Variants in PPP1R16B observed in about 807,000 individuals in gnomAD.
PPP1R16B encodes the protein protein phosphatase 1 regulatory inhibitor subunit 16B.
A neutral mutation model predicts 61.7 loss-of-function variants in PPP1R16B; 14 were observed. The ratio of observed to expected loss-of-function variants is 0.23; its 90% CI spans 0.15 to 0.35. PPP1R16B has a LOEUF of 0.35. Ranked by LOEUF, PPP1R16B falls within the 10% of genes least tolerant of loss-of-function variation. The pLI is 1.00. For missense variants in PPP1R16B, 547 were observed against 752.5 expected (o/e 0.73, Z 3.19); for synonymous variants, 266 against 305.3 (o/e 0.87, Z 1.34).
intron 2 of PPP1R16B, among the ~76,000 whole-genome samples, chr20:38,841,837 G>A (rs993619803): frequency 6.6e-6 from 1 of 152,172 alleles, no homozygotes; most frequent in African/African-American, 2.4e-5. Context: ...TCACCAGTAG[G>A]TGAACGTTTG....
At chr20:38,863,381 A>G (rs2085067510) in intron 2 of PPP1R16B, among the ~76,000 whole-genome samples, 1 of 152,178 alleles carries the variant, frequency 6.6e-6, no homozygotes, top group Non-Finnish European at 1.5e-5. Flanking sequence ...AACTCCCTGC[A>G]TGGCTGAGCC....
intron 1 of PPP1R16B, among the ~76,000 whole-genome samples, chr20:38,821,525 G>A (rs2084773519): frequency 6.6e-6 from 1 of 152,176 alleles, no homozygotes; most frequent in South Asian, 2.1e-4. Context: ...AAGAAGAGCT[G>A]GTCTTTGTGA....
chr20:38,901,484 A>C (rs2085393830), intron 5 of PPP1R16B, among the ~76,000 whole-genome samples: 1 of 152,202 alleles, frequency 6.6e-6, no homozygotes, highest in South Asian at 2.1e-4. Flanking sequence ...ATCTCGGCTC[A>C]CTGCAACCTC....
Position 38,816,904 on chromosome 20 carries a change from T to C in PPP1R16B, c.-102+11112T>C, listed in dbSNP as rs555669015. ...CAGGGCCCACCCTCCTCCTCCCCCA[T>C]TAGCCAAGTCTGTTTTGCCCAGTTT... On this transcript the variant is annotated intron_variant, in intron 1 of 10. Transcript: ENST00000299824. Among the ~76,000 whole-genome samples, 43 of 152,304 alleles carry C rather than the reference T, an allele frequency of 2.8e-4. No individual in the cohort carries two copies. In the South Asian group the frequency reaches 3.5e-3, roughly 12 times the overall value.
intron 6 of PPP1R16B, among the ~76,000 whole-genome samples, chr20:38,904,003 A>C (rs1259884166): frequency 1.3e-5 from 2 of 152,138 alleles, no homozygotes; most frequent in Admixed American, 1.3e-4. Flanking sequence ...AGGGCTCAGC[A>C]GTACCAGATA....
intron 2 of PPP1R16B, among the ~76,000 whole-genome samples, chr20:38,884,208 C>T (rs1232141043): frequency 6.6e-6 from 1 of 152,216 alleles, no homozygotes; most frequent in African/African-American, 2.4e-5. Flanking sequence ...GGAGACAGGA[C>T]CCCTGGCGTG....
At chr20:38,820,781 C>T (rs539133796) in intron 1 of PPP1R16B, among the ~76,000 whole-genome samples, 1 of 151,904 alleles carries the variant, frequency 6.6e-6, no homozygotes, top group East Asian at 1.9e-4. Context: ...GCCTGTAATC[C>T]CAGCATTTTG....
rs1180095831 is a variant in PPP1R16B at position 38,921,358 on chromosome 20, G to A, written c.*2692G>A. On this transcript the variant is annotated 3_prime_UTR_variant, in exon 11 of 11. Transcript: ENST00000299824. ...GTAGCTGCAACATGCCAGCCTCTAC[G>A]TTAGGTTCTGCGGATAAAGGAGGAA... 6.6e-6 allele frequency: 1 copy of A among 152,230 alleles called. No homozygotes were observed. Among genetic ancestry groups the A allele is most frequent in the East Asian group, 1.9e-4 (1 of 5,202 alleles). The allele number at this position is 152,230 out of a possible 1,614,324, so 9.4% of individuals were successfully genotyped here.
rs1158511381 is a variant in PPP1R16B, at chr20:38,903,579, G to GTCCATCCA, written c.696+818_696+825dup. Among the ~76,000 whole-genome samples the GTCCATCCA allele has an allele frequency of 7.2e-5, 7 of 97,494 alleles. No homozygotes were observed. The South Asian group carries it at 1.7e-3, about 24-fold the overall frequency. 64.0% of individuals were successfully genotyped at this position (97,494 alleles called of 152,430 possible). On this transcript the variant is annotated intron_variant, in intron 6 of 10. Transcript: ENST00000299824. ...CATCCATCCATCCGTCCGTCCGTCC[G>GTCCATCCA]TCCATCCATCCATCCATCCATCCAT...
At chr20:38,878,816 T>C (rs2085185814) in intron 2 of PPP1R16B, among the ~76,000 whole-genome samples, 1 of 152,216 alleles carries the variant, frequency 6.6e-6, no homozygotes, top group Non-Finnish European at 1.5e-5. Context: ...GCTGGAAATA[T>C]TTTTATCTAT....
intron 1 of PPP1R16B, among the ~76,000 whole-genome samples, chr20:38,822,236 G>A (rs944891584): frequency 6.6e-6 from 1 of 151,232 alleles, no homozygotes; most frequent in African/African-American, 2.4e-5. Flanking sequence ...CAGAATTTGG[G>A]GCTACTGTTC....
At chr20:38,826,953 T>A (rs1215841006) in intron 1 of PPP1R16B, among the ~76,000 whole-genome samples, 1 of 152,194 alleles carries the variant, frequency 6.6e-6, no homozygotes, top group Non-Finnish European at 1.5e-5. Context: ...TTAAATGATT[T>A]ATTTTTATTT....
rs181485839 is a variant in PPP1R16B, at chr20:38,877,567, C to T, written c.251-12028C>T. On this transcript the variant is annotated intron_variant, in intron 2 of 10. Transcript: ENST00000299824. ...CGTCAGGTGATCCATCCGCCTCGGG[C>T]TCCCAAAGTGCTGGGATTACAGGTG... Among the ~76,000 whole-genome samples the T allele has an allele frequency of 9.2e-5, 14 of 152,266 alleles. No homozygotes were observed. The East Asian group carries it at 2.3e-3, about 25-fold the overall frequency.
chr20:38,920,519 C>T lies in PPP1R16B; in HGVS notation c.*1853C>T, dbSNP rs1273568468. On this transcript the variant is annotated 3_prime_UTR_variant, in exon 11 of 11. Coordinates refer to ENST00000299824, the MANE Select transcript of PPP1R16B (RefSeq NM_015568.4). ...ATCTGCTCTTTGTCATTCTTAGCCCCCTACTGTGGCCCCCATAGCCCCATA... is the reference window on the plus strand; with the variant it reads ...ATCTGCTCTTTGTCATTCTTAGCCCTCTACTGTGGCCCCCATAGCCCCATA... 6.5e-6 allele frequency: 1 copy of T among 152,718 alleles called. No individual in the cohort carries two copies. Among genetic ancestry groups the T allele is most frequent in the Non-Finnish European group, 1.5e-5 (1 of 68,412 alleles). The allele number at this position is 152,718 out of a possible 1,614,324, so 9.5% of individuals were successfully genotyped here.
chr20:38,852,478 C>G (rs1277741583), intron 2 of PPP1R16B, among the ~76,000 whole-genome samples: 5 of 152,198 alleles, frequency 3.3e-5, no homozygotes, highest in Admixed American at 1.3e-4. Context: ...CATGGTCGAT[C>G]ACCAAGGTGA....
intron 2 of PPP1R16B, among the ~76,000 whole-genome samples, chr20:38,861,477 C>T (rs911237324): frequency 1.3e-5 from 2 of 152,160 alleles, no homozygotes; most frequent in Admixed American, 1.3e-4. Context: ...GGGCTAGGCT[C>T]TGCCTCAGGG....
At chr20:38,908,379 T>G (rs1168812348) in intron 10 of PPP1R16B, among the ~76,000 whole-genome samples, 186 bp downstream of exon 10, 1 of 152,196 alleles carries the variant, frequency 6.6e-6, no homozygotes, top group Non-Finnish European at 1.5e-5. Flanking sequence ...AGTCTGATGG[T>G]GGTGGCTGCT....
chr20:38,834,278 T>C (rs1249944994), intron 1 of PPP1R16B, among the ~76,000 whole-genome samples: 1 of 152,222 alleles, frequency 6.6e-6, no homozygotes, highest in Non-Finnish European at 1.5e-5. Flanking sequence ...CCCAAAATGT[T>C]GAGATTGCAG....
rs1383985919 is a variant in PPP1R16B at position 38,862,093 on chromosome 20, C to A, written c.250+25918C>A. Among the ~76,000 whole-genome samples, 5 of 152,270 alleles carry A rather than the reference C, an allele frequency of 3.3e-5. No individual in the cohort carries two copies. The East Asian group carries it at 7.7e-4, about 23-fold the overall frequency. ...AGTCCAGCCCACAACTGTGTAGGGC[C>A]CCCCAGCCTTGTTGCCTCCCATGCC... is the stretch of plus-strand genomic sequence containing the variant. On this transcript the variant is annotated intron_variant, in intron 2 of 10. Transcript: ENST00000299824.
Sources: gnomAD v4.1 joint callset for allele counts (sites outside exome capture counted in the v4.1 genomes callset) on GRCh38, gnomAD v4.1.1 for gene constraint, MANE v1.5 for transcripts, NCBI Gene and HGNC (gene_info 2026-07-23, HGNC 2026-07-21) for gene names.